NCOA2: variants seen among roughly 807,000 people sequenced by gnomAD.
The protein encoded by NCOA2 is nuclear receptor coactivator 2, also known as class E basic helix-loop-helix protein 75.
Under a neutral mutation model 145.1 loss-of-function variants are expected in NCOA2, and 21 were observed. The observed-to-expected ratio is 0.14, with a 90% CI of 0.10 to 0.21. The LOEUF is 0.21. Ranked by LOEUF, NCOA2 falls within the 10% of genes least tolerant of loss-of-function variation. The probability of loss-of-function intolerance (pLI) is 1.00; values close to 1 mark genes in which losing one functional copy is unlikely to be tolerated. For synonymous variants in NCOA2, 619 were observed against 637.5 expected (o/e 0.97, Z 0.44); for missense variants, 1,472 against 1,837.6 (o/e 0.80, Z 3.64).
At chr8:70,278,564 C>T (rs1329656925) in intron 2 of NCOA2, among the ~76,000 whole-genome samples, 1 of 152,120 alleles carries the variant, frequency 6.6e-6, no homozygotes, top group Non-Finnish European at 1.5e-5. Context: ...TCTGCCACTA[C>T]CCCTCAGTTC....
chr8:70,274,737 C>T (rs2135369542), intron 2 of NCOA2, among the ~76,000 whole-genome samples: 1 of 152,278 alleles, frequency 6.6e-6, no homozygotes, highest in African/African-American at 2.4e-5. Flanking sequence ...TAGAACACAG[C>T]AATTATTCTA....
chr8:70,390,990 A>G (rs1341410541), intron 1 of NCOA2, among the ~76,000 whole-genome samples: 1 of 152,196 alleles, frequency 6.6e-6, no homozygotes, highest in Non-Finnish European at 1.5e-5. Context: ...GAGGGAAGAG[A>G]GGGCTCTACC....
intron 18 of NCOA2, among the ~76,000 whole-genome samples, chr8:70,127,393 G>C (rs563201628): frequency 5.9e-5 from 9 of 152,320 alleles, no homozygotes; most frequent in African/African-American, 2.2e-4. Context: ...GAGGATGGTA[G>C]TTTAGAGTCT....
intron 4 of NCOA2, among the ~76,000 whole-genome samples, chr8:70,203,090 C>G (rs1818065139): frequency 6.6e-6 from 1 of 151,954 alleles, no homozygotes; most frequent in African/African-American, 2.4e-5. Flanking sequence ...CGGTGAAACC[C>G]CGTCTCAACT....
Position 70,403,779 on chromosome 8 carries a change from G to C in NCOA2, c.-156C>G. 2 of 397,934 alleles carry C rather than the reference G, an allele frequency of 5.0e-6. No individual in the cohort carries two copies. Among genetic ancestry groups the C allele is most frequent in the Non-Finnish European group, 8.9e-6 (2 of 225,638 alleles). The allele number at this position is 397,934 out of a possible 1,614,324, so 24.7% of individuals were successfully genotyped here. ...CCGCCGAAGCTGTAGCCGAGGCTGCGGCCGCCATGTTCCCGTGTTAATAAC... is the reference window on the plus strand; with the variant it reads ...CCGCCGAAGCTGTAGCCGAGGCTGCCGCCGCCATGTTCCCGTGTTAATAAC... On this transcript the variant is annotated 5_prime_UTR_variant, in exon 1 of 23. Transcript: ENST00000452400.
Position 70,170,087 on chromosome 8 carries a change from C to A in NCOA2, c.541+115G>T. 6 of 1,011,740 alleles carry A rather than the reference C, an allele frequency of 5.9e-6. No homozygotes were observed. In the East Asian group the frequency reaches 8.2e-5, roughly 14 times the overall value. The allele number at this position is 1,011,740 out of a possible 1,614,324, so 62.7% of individuals were successfully genotyped here. ...TAAAAAACTACCCAGTCACTCTCCT[C>A]CCCATCTGATATAATATAGTTTTAT... On this transcript the variant is annotated intron_variant, in intron 6 of 22. Transcript: ENST00000452400.
intron 1 of NCOA2, among the ~76,000 whole-genome samples, chr8:70,374,338 G>A (rs1811478399): frequency 6.6e-6 from 1 of 151,988 alleles, no homozygotes; most frequent in Non-Finnish European, 1.5e-5. Context: ...CAGGCATGGT[G>A]GCACATGCCT....
chr8:70,212,746 A>G (rs1033029265), intron 4 of NCOA2, among the ~76,000 whole-genome samples: 4 of 152,120 alleles, frequency 2.6e-5, no homozygotes, highest in African/African-American at 9.7e-5. Flanking sequence ...ATTATATAAA[A>G]GGCAGATTTT....
At chr8:70,442,182 G>A in the NCOA2 span, among the ~76,000 whole-genome samples, 2 of 83,136 alleles carry the variant, frequency 2.4e-5, no homozygotes, top group African/African-American at 6.6e-5. Context: ...TGACTCTCAG[G>A]TCTTTAGGCC....
rs76831527 is a variant in NCOA2, at chr8:70,298,584, G to A, written c.-76-1784C>T. On this transcript the variant is annotated intron_variant, in intron 1 of 22. Transcript: ENST00000452400. ...TCATTATGCTGGCCTACTTAAGCCC[G>A]TTATAATTCTATACCAACAACTAAT... is the stretch of plus-strand genomic sequence containing the variant. Among the ~76,000 whole-genome samples the A allele has an allele frequency of 5.9e-3, 901 of 152,242 alleles. 4 individuals are homozygous for A. The highest frequency in any genetic ancestry group is 0.02 in the African/African-American group (835 of 41,536).
rs142747632 is a variant in NCOA2, at chr8:70,133,665, AAAAC to A, written c.3159-1667_3159-1664del. Among the ~76,000 whole-genome samples, 831 of 152,358 alleles carry A rather than the reference AAAAC, an allele frequency of 5.5e-3. 7 individuals are homozygous for A. Among genetic ancestry groups the A allele is most frequent in the African/African-American group, 0.019 (783 of 41,578 alleles). On this transcript the variant is annotated intron_variant, in intron 15 of 22. Transcript: ENST00000452400. ...GAGAAAATAAACATTTACAGATTAA[AAAAC>A]AAACAAAAAGTTTATAGATGAGCAA... is the stretch of plus-strand genomic sequence containing the variant.
intron 2 of NCOA2, among the ~76,000 whole-genome samples, chr8:70,257,949 G>A (rs572012640): frequency 5.3e-5 from 8 of 150,862 alleles, no homozygotes; most frequent in East Asian, 1.9e-4. Flanking sequence ...ACTCTGTCTC[G>A]CTCTGTCACC....
At chr8:70,391,659 G>C (rs1319888657) in intron 1 of NCOA2, among the ~76,000 whole-genome samples, 1 of 152,196 alleles carries the variant, frequency 6.6e-6, no homozygotes, top group Non-Finnish European at 1.5e-5. Flanking sequence ...TAGAACAATT[G>C]CATCCTCTTC....
At chr8:70,431,013 T>C in the NCOA2 span, among the ~76,000 whole-genome samples, 1 of 152,194 alleles carries the variant, frequency 6.6e-6, no homozygotes, top group South Asian at 2.1e-4. Context: ...GTTGGAGTTT[T>C]ATGTCAATAA....
chr8:70,194,033 T>A (rs954025399), intron 4 of NCOA2, among the ~76,000 whole-genome samples: 3 of 152,212 alleles, frequency 2.0e-5, no homozygotes, highest in African/African-American at 7.2e-5. Context: ...ATTACAGATA[T>A]CAAGGTTCTA....
chr8:70,270,152 A>C lies in NCOA2; in HGVS notation c.-20+26592T>G, dbSNP rs575132357. 4.6e-5 allele frequency among the ~76,000 whole-genome samples: 7 copies of C among 152,106 alleles called. No individual in the cohort carries two copies. The South Asian group carries it at 1.5e-3, about 32-fold the overall frequency. On this transcript the variant is annotated intron_variant, in intron 2 of 22. Coordinates refer to ENST00000452400, the MANE Select transcript of NCOA2 (RefSeq NM_006540.4). ...AGCAGTGATCTCACCACTGCACTCCAGCCTGGGTGACACAGTGAGACCTTG... is the reference window on the plus strand; with the variant it reads ...AGCAGTGATCTCACCACTGCACTCCCGCCTGGGTGACACAGTGAGACCTTG...
chr8:70,343,293 A>G (rs1462388431), intron 1 of NCOA2, among the ~76,000 whole-genome samples: 1 of 152,172 alleles, frequency 6.6e-6, no homozygotes, highest in Non-Finnish European at 1.5e-5. Flanking sequence ...TCTGTCATAC[A>G]TAATATCCTT....
intron 18 of NCOA2, among the ~76,000 whole-genome samples, chr8:70,127,746 C>A (rs754727130): frequency 6.6e-6 from 1 of 152,162 alleles, no homozygotes; most frequent in Non-Finnish European, 1.5e-5. Context: ...CACAGTCATT[C>A]GTAGACATGA....
At chr8:70,148,520 T>C (rs368576757) in intron 11 of NCOA2, 37 bp from the exon 12 acceptor site, 30 of 1,594,368 alleles carry the variant, frequency 1.9e-5, no homozygotes, top group Non-Finnish European at 2.6e-5. Flanking sequence ...TCCAGTCTAC[T>C]CTAAGAGTAG....
Sources: gnomAD v4.1 joint callset for allele counts (sites outside exome capture counted in the v4.1 genomes callset) on GRCh38, gnomAD v4.1.1 for gene constraint, MANE v1.5 for transcripts, NCBI Gene and HGNC (gene_info 2026-07-23, HGNC 2026-07-21) for gene names.